Variants in ENOX1 observed in about 807,000 individuals in gnomAD.
ENOX1 encodes candidate growth-related and time keeping constitutive hydroquinone (NADH) oxidase.
A neutral mutation model predicts 82.5 loss-of-function variants in ENOX1; 42 were observed. The observed-to-expected ratio is 0.51, with a 90% CI of 0.40 to 0.66. The LOEUF (loss-of-function observed/expected upper bound fraction) is 0.66, where lower values mean the gene tolerates loss of function less well. Ranked by LOEUF, ENOX1 falls within the 30% of genes least tolerant of loss-of-function variation. The pLI is 0.00. For missense variants in ENOX1, 608 were observed against 811.6 expected, an observed-to-expected ratio of 0.75 and a Z score of 3.05; for synonymous variants, 271 against 282.2, an observed-to-expected ratio of 0.96 and a Z score of 0.40.
rs553784805 is a variant in ENOX1, at chr13:43,496,149, C to T, written c.-218-11997G>A. On this transcript the variant is annotated intron_variant, in intron 2 of 16. Transcript: ENST00000690772. ...ATTAAAAATGTTTTTTTATAGGGAGCCTTTAATGTTTGTGGAGTATAGTTA... is the reference window on the plus strand; with the variant it reads ...ATTAAAAATGTTTTTTTATAGGGAGTCTTTAATGTTTGTGGAGTATAGTTA... Among the ~76,000 whole-genome samples, 12 of 151,262 alleles carry T rather than the reference C, an allele frequency of 7.9e-5. No homozygotes were observed. In the East Asian group the frequency reaches 1.9e-3, roughly 24 times the overall value.
At chr13:43,720,189 T>TA (rs1053044593) in intron 1 of ENOX1, among the ~76,000 whole-genome samples, 3 of 152,168 alleles carry the variant, frequency 2.0e-5, no homozygotes, top group African/African-American at 4.8e-5. Flanking sequence ...GCAATATAAA[T>TA]AAGAAAGCAA....
intron 12 of ENOX1, among the ~76,000 whole-genome samples, chr13:43,274,290 C>T (rs1366400612): frequency 6.6e-6 from 1 of 152,154 alleles, no homozygotes; most frequent in Non-Finnish European, 1.5e-5. Flanking sequence ...ACAAAATCAC[C>T]ATTATCAGAA....
intron 3 of ENOX1, among the ~76,000 whole-genome samples, chr13:43,425,223 C>T (rs1018423270): frequency 2.6e-5 from 4 of 152,074 alleles, no homozygotes; most frequent in Admixed American, 2.6e-4. Flanking sequence ...ATTGGCTACA[C>T]CTGGTTATCT....
chr13:43,222,404 C>T (rs528654409), intron 16 of ENOX1, among the ~76,000 whole-genome samples: 5 of 151,762 alleles, frequency 3.3e-5, no homozygotes, highest in African/African-American at 1.2e-4. Flanking sequence ...CACACACACA[C>T]GCAGGCACAC....
chr13:43,499,538 C>A (rs75334724), intron 2 of ENOX1, among the ~76,000 whole-genome samples: 1,758 of 152,170 alleles, frequency 0.012, 39 homozygotes, highest in African/African-American at 0.04. Flanking sequence ...ACCCACAGCC[C>A]TCATCAACAG....
At chr13:43,293,411 AAAC>A (rs1471565009) in intron 12 of ENOX1, among the ~76,000 whole-genome samples, 1 of 151,724 alleles carries the variant, frequency 6.6e-6, no homozygotes, top group African/African-American at 2.4e-5. Flanking sequence ...ATAGTCACCA[AAAC>A]AACCACAGCT....
At chr13:43,324,764 A>G (rs2048013260) in intron 10 of ENOX1, among the ~76,000 whole-genome samples, 1 of 152,130 alleles carries the variant, frequency 6.6e-6, no homozygotes, top group Non-Finnish European at 1.5e-5. Flanking sequence ...TTAGACCTGC[A>G]TGGAAGCCTT....
At chr13:43,446,825 C>T (rs1019167704) in intron 3 of ENOX1, among the ~76,000 whole-genome samples, 1 of 152,216 alleles carries the variant, frequency 6.6e-6, no homozygotes, top group Non-Finnish European at 1.5e-5. Flanking sequence ...CCATGCCCAT[C>T]CTGGGGGCAC....
intron 12 of ENOX1, among the ~76,000 whole-genome samples, chr13:43,291,839 G>C (rs983658404): frequency 2.0e-5 from 3 of 152,190 alleles, no homozygotes; most frequent in African/African-American, 7.2e-5. Flanking sequence ...AAAGGAAAGT[G>C]AGTTCCAGGA....
chr13:43,372,983 T>C (rs7332802), intron 5 of ENOX1, among the ~76,000 whole-genome samples: 94,263 of 151,838 alleles, frequency 0.62, 30,610 homozygotes, highest in Non-Finnish European at 0.73. Flanking sequence ...CCTGACAGCA[T>C]TGTTCTGAGG....
intron 1 of ENOX1, among the ~76,000 whole-genome samples, chr13:43,751,045 C>G (rs372900820): frequency 2.0e-5 from 3 of 152,282 alleles, no homozygotes; most frequent in East Asian, 3.9e-4. Flanking sequence ...TTGGACCTTA[C>G]CTACCTCTCT....
chr13:43,515,516 G>T (rs1035755032), intron 2 of ENOX1, among the ~76,000 whole-genome samples: 2 of 152,076 alleles, frequency 1.3e-5, no homozygotes, highest in African/African-American at 2.4e-5. Context: ...TACATCCTAG[G>T]TCTTGTTAAT....
chr13:43,470,293 T>C lies in ENOX1; in HGVS notation c.-75+13716A>G, dbSNP rs376516131. ...ATACACATATATATACATATATATA[T>C]ACACATATATATACATATATATACA... On this transcript the variant is annotated intron_variant, in intron 3 of 16. Transcript: ENST00000690772. 6.0e-4 allele frequency among the ~76,000 whole-genome samples: 31 copies of C among 52,058 alleles called. 2 individuals are homozygous for C. The highest frequency in any genetic ancestry group is 1.7e-3 in the South Asian group (3 of 1,802). The allele number at this position is 52,058 out of a possible 152,430, so 34.2% of individuals were successfully genotyped here.
intron 2 of ENOX1, among the ~76,000 whole-genome samples, chr13:43,518,773 A>C (rs2077652463): frequency 6.6e-6 from 1 of 152,142 alleles, no homozygotes; most frequent in Non-Finnish European, 1.5e-5. Flanking sequence ...GAAATACTAA[A>C]CACTCTGAAT....
At chr13:43,354,469 CT>C (rs560964401) in intron 8 of ENOX1, among the ~76,000 whole-genome samples, 1,713 of 139,140 alleles carry the variant, frequency 0.012, 12 homozygotes, top group East Asian at 0.033. Flanking sequence ...CCGCTGCCAC[CT>C]TTTTTTTTTT....
intron 2 of ENOX1, among the ~76,000 whole-genome samples, chr13:43,572,311 A>C (rs2080219808): frequency 1.3e-5 from 2 of 152,200 alleles, no homozygotes; most frequent in Non-Finnish European, 2.9e-5. Flanking sequence ...AAATGCTAGG[A>C]ATTGTTTGGC....
At position 43,598,805 on chromosome 13, in the gene ENOX1, A is replaced by T. The variant is rs1056569452; in HGVS notation, c.-219+68674T>A. Among the ~76,000 whole-genome samples the T allele has an allele frequency of 1.4e-4, 22 of 152,064 alleles. No homozygotes were observed. The East Asian group carries it at 1.5e-3, about 11-fold the overall frequency. The stretch of plus-strand genomic sequence containing the variant: ...AAAACACGTTGTTTAGAAAGTAAAA[A>T]TTTTTTTTAGGATCCAAGGAGCAGT... On this transcript the variant is annotated intron_variant, in intron 2 of 16. Coordinates refer to ENST00000690772, the MANE Select transcript of ENOX1 (RefSeq NM_001347969.2).
intron 2 of ENOX1, among the ~76,000 whole-genome samples, chr13:43,533,317 T>C (rs949293756): frequency 2.6e-5 from 4 of 152,172 alleles, no homozygotes; most frequent in Admixed American, 2.0e-4. Context: ...CTGAGTTTTT[T>C]TCTCCCTTCT....
At chr13:43,587,159 A>C (rs1435968879) in intron 2 of ENOX1, among the ~76,000 whole-genome samples, 2 of 152,186 alleles carry the variant, frequency 1.3e-5, no homozygotes, top group Non-Finnish European at 2.9e-5. Flanking sequence ...TCATTTTAAA[A>C]GATAGATTTA....
Sources: gnomAD v4.1 joint callset for allele counts (sites outside exome capture counted in the v4.1 genomes callset) on GRCh38, gnomAD v4.1.1 for gene constraint, MANE v1.5 for transcripts, NCBI Gene and HGNC (gene_info 2026-07-23, HGNC 2026-07-21) for gene names.